The following BRINP1 variants were observed in gnomAD, a reference collection of about 807,000 sequenced individuals.
The protein encoded by BRINP1 is BMP/retinoic acid inducible neural specific 1.
In BRINP1, 17 loss-of-function variants were observed where a neutral mutation model predicts 72.9. The observed-to-expected ratio is 0.23, with a 90% CI of 0.16 to 0.35. The LOEUF is 0.35. Ranked by LOEUF, BRINP1 falls within the 10% of genes least tolerant of loss-of-function variation. The pLI is 1.00. For missense variants in BRINP1, 850 were observed against 1,001.6 expected (o/e 0.85, Z 2.04); for synonymous variants, 418 against 378.5 (o/e 1.10, Z -1.21).
At chr9:119,203,734 A>G (rs951977294) in intron 7 of BRINP1, among the ~76,000 whole-genome samples, 1 of 152,154 alleles carries the variant, frequency 6.6e-6, no homozygotes, top group Non-Finnish European at 1.5e-5. Context: ...AGACAACTCT[A>G]TTGCTTGTTA....
intron 5 of BRINP1, among the ~76,000 whole-genome samples, chr9:119,229,971 G>A (rs780248733): frequency 1.3e-5 from 2 of 151,956 alleles, no homozygotes; most frequent in Non-Finnish European, 2.9e-5. Context: ...TGGAGAGTCA[G>A]ATTAATAAAA....
chr9:119,297,918 T>C (rs1220668427), intron 2 of BRINP1, among the ~76,000 whole-genome samples: 1 of 152,254 alleles, frequency 6.6e-6, no homozygotes, highest in East Asian at 1.9e-4. Context: ...CCTCCATTTT[T>C]CTCTTGCTGA....
rs1328662501 is a variant in BRINP1, at chr9:119,313,208, G to C, written c.148C>G (p.His50Asp). ...ACAAAGGATAGGTAGCTCCTGGAGT[G>C]GTGGAAAGGCCCCCTGTCTGAAATG... ...WLISDRGPFH[H>D]SRSYLSFVER... The change falls in exon 2 of 8, where the codon CAC becomes GAC. Residue 50 changes from histidine to aspartate, a missense_variant. Physicochemically the swap from His to Asp is moderately conservative, Grantham distance 81. Coordinates refer to ENST00000265922, the MANE Select transcript of BRINP1 (RefSeq NM_014618.3). 1 of 1,613,946 alleles carries C rather than the reference G, an allele frequency of 6.2e-7. No homozygotes were observed. The highest frequency in any genetic ancestry group is 8.5e-7 in the Non-Finnish European group (1 of 1,179,990).
At chr9:119,197,471 G>A (rs1276413168) in intron 7 of BRINP1, among the ~76,000 whole-genome samples, 4 of 152,172 alleles carry the variant, frequency 2.6e-5, no homozygotes, top group African/African-American at 7.2e-5. Flanking sequence ...AATGGTCAAT[G>A]TATGACAGGT....
At chr9:119,193,997 T>C (rs1316727979) in intron 7 of BRINP1, among the ~76,000 whole-genome samples, 1 of 152,194 alleles carries the variant, frequency 6.6e-6, no homozygotes, top group African/African-American at 2.4e-5. Context: ...GCCACTCTGC[T>C]GTAGGACTAC....
At chr9:119,220,655 T>C (rs1830031207) in intron 5 of BRINP1, among the ~76,000 whole-genome samples, 1 of 152,168 alleles carries the variant, frequency 6.6e-6, no homozygotes, top group Non-Finnish European at 1.5e-5. Flanking sequence ...AAGTCCTTGA[T>C]TGATGATTAA....
intron 2 of BRINP1, among the ~76,000 whole-genome samples, chr9:119,264,760 TC>T (rs1830531607): frequency 6.6e-6 from 1 of 152,114 alleles, no homozygotes; most frequent in Non-Finnish European, 1.5e-5. Context: ...AACCTCCGCC[TC>T]CCGGGTTCAA....
intron 5 of BRINP1, among the ~76,000 whole-genome samples, chr9:119,215,484 T>C (rs12686382): frequency 0.15 from 23,191 of 152,194 alleles, 2,208 homozygotes; most frequent in Admixed American, 0.26. Flanking sequence ...ATGGTTCTAC[T>C]ACTCACTGTG....
intron 2 of BRINP1, among the ~76,000 whole-genome samples, chr9:119,264,560 C>T (rs866665258): frequency 3.3e-5 from 5 of 152,242 alleles, no homozygotes; most frequent in Admixed American, 2.6e-4. Flanking sequence ...GTCCTCATCC[C>T]AGTCACTTTA....
At chr9:119,322,843 G>A (rs1329381336) in intron 1 of BRINP1, among the ~76,000 whole-genome samples, 2 of 152,158 alleles carry the variant, frequency 1.3e-5, no homozygotes, top group Non-Finnish European at 2.9e-5. Context: ...TCTGTAAAAT[G>A]TGGGCAGTAA....
At chr9:119,349,478 T>C (rs1370554394) in intron 1 of BRINP1, among the ~76,000 whole-genome samples, 1 of 152,204 alleles carries the variant, frequency 6.6e-6, no homozygotes, top group Non-Finnish European at 1.5e-5. Context: ...CTTCAGCAGA[T>C]GGAGCAGAAA....
rs1831713984 is a variant in BRINP1, at chr9:119,368,050, C to T, written c.-51+1006G>A. 6.6e-6 allele frequency among the ~76,000 whole-genome samples: 1 copy of T among 152,224 alleles called. No homozygotes were observed. The highest frequency in any genetic ancestry group is 2.4e-5 in the African/African-American group (1 of 41,466). On this transcript the variant is annotated intron_variant, in intron 1 of 7. Transcript: ENST00000265922. The surrounding 1 kb of genome is among the most constrained non-coding windows in gnomAD (Gnocchi z 4.7). Reference sequence around the variant, plus strand: ...CCACAGCCGCCCCAGATGAAATTTCCTCTGAGACCCTTTGCAACTGTGATG... The same window carrying T: ...CCACAGCCGCCCCAGATGAAATTTCTTCTGAGACCCTTTGCAACTGTGATG...
chr9:119,208,319 GATTA>G (rs1328407913), intron 7 of BRINP1, among the ~76,000 whole-genome samples: 3 of 152,202 alleles, frequency 2.0e-5, no homozygotes, highest in African/African-American at 4.8e-5. Flanking sequence ...GGTGGCGAAT[GATTA>G]ATTAGTTAAT....
chr9:119,261,544 C>T (rs1168359681), intron 2 of BRINP1, among the ~76,000 whole-genome samples: 1 of 152,264 alleles, frequency 6.6e-6, no homozygotes, highest in East Asian at 1.9e-4. Context: ...GTTCTTTCTT[C>T]CAAAGCACAT....
intron 1 of BRINP1, among the ~76,000 whole-genome samples, chr9:119,340,129 A>G (rs762847110): frequency 2.6e-5 from 4 of 152,212 alleles, no homozygotes; most frequent in Non-Finnish European, 5.9e-5. Context: ...AAATGATTTT[A>G]CTTATTTATT....
At chr9:119,254,371 G>T (rs1311031737) in intron 2 of BRINP1, among the ~76,000 whole-genome samples, 1 of 152,116 alleles carries the variant, frequency 6.6e-6, no homozygotes, top group African/African-American at 2.4e-5. Context: ...TGACATTTGA[G>T]GAGACACCTG....
At chr9:119,226,866 CTATTATA>C (rs1482010813) in intron 5 of BRINP1, among the ~76,000 whole-genome samples, 2 of 151,894 alleles carry the variant, frequency 1.3e-5, no homozygotes, top group African/African-American at 4.8e-5. Context: ...AAAACCATGA[CTATTATA>C]TATATGCCCC....
At chr9:119,346,538 A>G (rs976797100) in intron 1 of BRINP1, among the ~76,000 whole-genome samples, 1 of 152,198 alleles carries the variant, frequency 6.6e-6, no homozygotes, top group Non-Finnish European at 1.5e-5. Context: ...TCAAATTTTG[A>G]CACCAAATTT....
At chr9:119,285,426 A>C (rs1411705555) in intron 2 of BRINP1, among the ~76,000 whole-genome samples, 1 of 152,172 alleles carries the variant, frequency 6.6e-6, no homozygotes, top group Non-Finnish European at 1.5e-5. Context: ...TTACCATCAA[A>C]ACAATTACAT....
Sources: gnomAD v4.1 joint callset for allele counts (sites outside exome capture counted in the v4.1 genomes callset) on GRCh38, gnomAD v4.1.1 for gene constraint, Gnocchi (gnomAD v3.1) non-coding constraint, MANE v1.5 for transcripts, NCBI Gene and HGNC (gene_info 2026-07-23, HGNC 2026-07-21) for gene names.